Variants in SNX29 observed in about 807,000 individuals in gnomAD.
SNX29 encodes the protein sorting nexin-29.
A neutral mutation model predicts 102.1 loss-of-function variants in SNX29; 78 were observed. The observed-to-expected ratio is 0.76, with a 90% CI of 0.64 to 0.92. The LOEUF (loss-of-function observed/expected upper bound fraction) is 0.92. Among genes scored for constraint, SNX29 ranks in the 40% least tolerant of loss-of-function variants. The pLI, the probability that SNX29 is intolerant of heterozygous loss-of-function variation, is 0.00. For synonymous variants in SNX29, 580 were observed against 414.5 expected, an observed-to-expected ratio of 1.40 and a Z score of -4.85; for missense variants, 1,280 against 1,061.7, an observed-to-expected ratio of 1.21 and a Z score of -2.86.
intron 16 of SNX29, chr16:12,374,461 G>C (rs893646321): frequency 6.6e-5 from 10 of 152,292 alleles, no homozygotes; most frequent in African/African-American, 2.2e-4. Flanking sequence ...GTCTGTCTGT[G>C]TGGAGTACGA....
At chr16:12,549,521 C>T (rs1329388301) in intron 20 of SNX29, among the ~76,000 whole-genome samples, 4 of 98,566 alleles carry the variant, frequency 4.1e-5, no homozygotes, top group South Asian at 3.8e-4. Flanking sequence ...CATTTTTCAT[C>T]CTCTATCTCA....
At chr16:12,567,105 G>A (rs925245341) in intron 20 of SNX29, among the ~76,000 whole-genome samples, 8 of 152,238 alleles carry the variant, frequency 5.3e-5, no homozygotes, top group Non-Finnish European at 8.8e-5. Flanking sequence ...ATTTCTTTAT[G>A]AATGCAAGTC....
intron 11 of SNX29, among the ~76,000 whole-genome samples, chr16:12,119,359 C>T (rs1206160259): frequency 1.3e-5 from 2 of 152,100 alleles, no homozygotes; most frequent in Non-Finnish European, 2.9e-5. Context: ...TTTGAGAGTG[C>T]GCACATGAAC....
rs1221189849 is a variant in SNX29, at chr16:11,976,756, AAGCGGC to A, written c.-44_-39del. On this transcript the variant is annotated 5_prime_UTR_variant, in exon 1 of 21. Transcript: ENST00000566228. Reference sequence around the variant, plus strand: ...CCTGTCTGGAGCTCGGCAGCCGCAGAAGCGGCAGCGGCGGCGGCGCGGCGCAGGCAC... The same window carrying A: ...CCTGTCTGGAGCTCGGCAGCCGCAGAAGCGGCGGCGGCGCGGCGCAGGCAC... 3.2e-6 allele frequency: 4 copies of A among 1,261,340 alleles called. No homozygotes were observed. Among genetic ancestry groups the A allele is most frequent in the Non-Finnish European group, 4.1e-6 (4 of 985,978 alleles). 78.1% of individuals were successfully genotyped at this position (1,261,340 alleles called of 1,614,324 possible). A position where few individuals can be genotyped will look rare whatever the true frequency, so the allele number is the denominator to read the frequency against.
chr16:12,446,281 C>T (rs566564395), intron 18 of SNX29, among the ~76,000 whole-genome samples: 1 of 152,286 alleles, frequency 6.6e-6, no homozygotes, highest in Non-Finnish European at 1.5e-5. Context: ...GTCTCGAACT[C>T]CTGACCTCAA....
intron 4 of SNX29, chr16:12,029,773 G>C: frequency 2.8e-6 from 1 of 355,348 alleles, no homozygotes; most frequent in African/African-American, 2.2e-5. Context: ...TGTATTTTTA[G>C]TAGAGATGGA....
intron 11 of SNX29, among the ~76,000 whole-genome samples, chr16:12,115,959 T>C (rs2053682425): frequency 6.6e-6 from 1 of 152,238 alleles, no homozygotes; most frequent in African/African-American, 2.4e-5. Flanking sequence ...CCTAACTGCT[T>C]TTTCAACTGG....
At chr16:11,976,919 C>T (rs1175920707) in intron 1 of SNX29, 106 bp downstream of exon 1, 3 of 1,265,232 alleles carry the variant, frequency 2.4e-6, no homozygotes, top group Non-Finnish European at 3.0e-6. Context: ...CCCTCGCAGA[C>T]CCCCTCCCAG....
chr16:12,149,569 T>C (rs1327940714), intron 13 of SNX29, among the ~76,000 whole-genome samples: 1 of 152,162 alleles, frequency 6.6e-6, no homozygotes, highest in African/African-American at 2.4e-5. Context: ...ACCTTTTGAT[T>C]CACAAAGACC....
intron 14 of SNX29, among the ~76,000 whole-genome samples, chr16:12,219,932 A>G (rs918281468): frequency 8.5e-5 from 13 of 152,092 alleles, no homozygotes; most frequent in Admixed American, 3.9e-4. Context: ...ACACACGTGT[A>G]CACACACGTG....
intron 14 of SNX29, among the ~76,000 whole-genome samples, chr16:12,251,698 G>T (rs751868218): frequency 6.6e-6 from 1 of 152,106 alleles, no homozygotes; most frequent in African/African-American, 2.4e-5. Context: ...GTAAGACTCT[G>T]TCTCCAAAAC....
rs1403305549 is a variant in SNX29 at position 12,277,935 on chromosome 16, C to T, written c.1681C>T (p.Pro561Ser). ...GACATGTCTCTCTTTCTCTAAAGTG[C>T]CAAATCTTTGGAGTGTTGATGGAGA... ...LKREGQTAEV[P>S]NLWSVDGEVT... The change falls in exon 15 of 21, where the codon CCA becomes TCA. Residue 561 changes from proline (P) to serine (S), a missense_variant and splice_region_variant. Pro to Ser is a moderately conservative substitution (Grantham distance 74). Transcript: ENST00000566228. 1 of 1,605,026 alleles carries T rather than the reference C, an allele frequency of 6.2e-7. No individual in the cohort carries two copies. The highest frequency in any genetic ancestry group is 1.1e-5 in the South Asian group (1 of 88,904).
Position 12,490,890 on chromosome 16 carries a change from C to T in SNX29, c.2178+13031C>T, listed in dbSNP as rs570452005. 7.2e-5 allele frequency among the ~76,000 whole-genome samples: 11 copies of T among 152,356 alleles called. No homozygotes were observed. In the South Asian group the frequency reaches 2.1e-3, roughly 29 times the overall value. On this transcript the variant is annotated intron_variant, in intron 19 of 20. Transcript: ENST00000566228. ...ATTTAGAAATTAAACACTGTAAATACAGCTAAACCCTCTTTGCACCTTTTC... is the reference window on the plus strand; with the variant it reads ...ATTTAGAAATTAAACACTGTAAATATAGCTAAACCCTCTTTGCACCTTTTC...
chr16:12,200,241 T>G (rs758889209), intron 14 of SNX29, among the ~76,000 whole-genome samples: 27 of 152,164 alleles, frequency 1.8e-4, no homozygotes, highest in Non-Finnish European at 3.7e-4. Flanking sequence ...ATTATTATTA[T>G]TATTAATCAG....
chr16:12,567,462 C>T (rs944733164), intron 20 of SNX29, among the ~76,000 whole-genome samples: 2 of 152,182 alleles, frequency 1.3e-5, no homozygotes, highest in Non-Finnish European at 1.5e-5. Flanking sequence ...TATGTGTCCC[C>T]TTATCTAGCA....
At position 12,525,470 on chromosome 16, in the gene SNX29, C is replaced by T. The variant is rs1010871896; in HGVS notation, c.2318+629C>T. On this transcript the variant is annotated intron_variant, in intron 20 of 20. Transcript: ENST00000566228. ...GGTGGATCACCTGAGGTCGGGAGTT[C>T]GAGACCAGCATGGCCAACATGTTGA... Among the ~76,000 whole-genome samples the T allele has an allele frequency of 2.6e-5, 4 of 151,996 alleles. No individual in the cohort carries two copies. The East Asian group carries it at 5.8e-4, about 22-fold the overall frequency.
intron 15 of SNX29, among the ~76,000 whole-genome samples, chr16:12,333,746 T>C (rs1216420392): frequency 6.6e-6 from 1 of 152,136 alleles, no homozygotes; most frequent in Non-Finnish European, 1.5e-5. Flanking sequence ...TCAGCCATTA[T>C]CTGTATCTCT....
intron 7 of SNX29, among the ~76,000 whole-genome samples, chr16:12,051,130 A>T (rs1412688342): frequency 6.6e-6 from 1 of 152,134 alleles, no homozygotes; most frequent in Non-Finnish European, 1.5e-5. Context: ...GAGTTTTGAG[A>T]CTAGCCTGGG....
At chr16:12,317,107 TTC>T (rs2080770792) in intron 15 of SNX29, among the ~76,000 whole-genome samples, 1 of 152,234 alleles carries the variant, frequency 6.6e-6, no homozygotes, top group African/African-American at 2.4e-5. Context: ...CCCAGAAGTT[TTC>T]TCTTTCCACT....
Sources: gnomAD v4.1 joint callset for allele counts (sites outside exome capture counted in the v4.1 genomes callset) on GRCh38, gnomAD v4.1.1 for gene constraint, MANE v1.5 for transcripts, NCBI Gene and HGNC (gene_info 2026-07-23, HGNC 2026-07-21) for gene names.